Variants in NKD2 observed in about 807,000 individuals in gnomAD.
NKD2 encodes the protein protein naked cuticle homolog 2.
NKD2 carries 43 observed loss-of-function variants against 34.8 expected under a neutral mutation model. The ratio of observed to expected loss-of-function variants is 1.24; its 90% confidence interval spans 0.97 to 1.60. NKD2 has a LOEUF of 1.60. Ranked by LOEUF, NKD2 falls within the 40% of genes most tolerant of loss-of-function variation. The pLI, the probability that NKD2 is intolerant of heterozygous loss-of-function variation, is 0.00. For missense variants in NKD2, 675 were observed against 627.1 expected (o/e 1.08, Z -0.82); for synonymous variants, 278 against 265.1 (o/e 1.05, Z -0.47).
rs74364810 is a variant in NKD2, at chr5:1,037,713, G to A, written c.788-92G>A. ...ACTGGCCTCAGGTGGGACCCCTGGC[G>A]CAGCTCTTCCAGTGGGCCCTGGGCC... On this transcript the variant is annotated intron_variant, in intron 9 of 9. Coordinates refer to ENST00000296849, the MANE Select transcript of NKD2 (RefSeq NM_033120.4). 1.1e-4 allele frequency: 173 copies of A among 1,551,780 alleles called. 1 individual carries two copies. The East Asian group carries it at 3.2e-3, about 28-fold the overall frequency.
intron 3 of NKD2, among the ~76,000 whole-genome samples, chr5:1,016,924 T>TCCTCCTTCC (rs1311262620): frequency 1.4e-5 from 2 of 146,182 alleles, no homozygotes; most frequent in Non-Finnish European, 3.0e-5. Flanking sequence ...AGAGCTGACC[T>TCCTCCTTCC]CACCCTCCTT....
Position 1,038,741 on chromosome 5 carries a change from G to A in NKD2, c.*368G>A. 1 of 509,746 alleles carries A rather than the reference G, an allele frequency of 2.0e-6. No homozygotes were observed. The highest frequency in any genetic ancestry group is 3.6e-6 in the Non-Finnish European group (1 of 278,342). The allele number at this position is 509,746 out of a possible 1,614,324, so 31.6% of individuals were successfully genotyped here. ...GCTTGGGGTGGGTGTTCCTCCCGGGGCTTCAAGGGGTGACTGCTGTAGGCT... is the reference window on the plus strand; with the variant it reads ...GCTTGGGGTGGGTGTTCCTCCCGGGACTTCAAGGGGTGACTGCTGTAGGCT... On this transcript the variant is annotated 3_prime_UTR_variant, in exon 10 of 10. Coordinates refer to ENST00000296849, the MANE Select transcript of NKD2 (RefSeq NM_033120.4). This position sits in a 1 kb window ranked among gnomAD's most constrained non-coding sequence, Gnocchi z 4.5.
chr5:1,024,592 C>G (rs1196439494), intron 3 of NKD2, among the ~76,000 whole-genome samples: 1 of 84,026 alleles, frequency 1.2e-5, no homozygotes, highest in Non-Finnish European at 2.3e-5. Flanking sequence ...TCTTCCCACT[C>G]TCTGTGGGCA....
intron 3 of NKD2, among the ~76,000 whole-genome samples, chr5:1,015,591 C>T (rs1324072417): frequency 2.0e-5 from 3 of 152,156 alleles, no homozygotes; most frequent in South Asian, 2.1e-4. Context: ...CCTATGACAC[C>T]CCTAGGGAGT....
At chr5:1,033,608 C>G in intron 5 of NKD2, 109 bp downstream of exon 5, 7 of 1,298,766 alleles carry the variant, frequency 5.4e-6, no homozygotes, top group Non-Finnish European at 7.3e-6. Flanking sequence ...GCGTAGTTCA[C>G]TCAGTCTTCC....
Position 1,037,872 on chromosome 5 carries a change from C to T in NKD2, c.855C>T (p.Arg285=). ...GRASHLQARS[R]SQEPDTHAVH... Reference sequence around the variant, plus strand: ...CCTCGCACCTCCAGGCCCGGTCCCGCTCCCAGGAGCCAGATACACATGCCG... The same window carrying T: ...CCTCGCACCTCCAGGCCCGGTCCCGTTCCCAGGAGCCAGATACACATGCCG... The change falls in exon 10 of 10, where the codon CGC becomes CGT. Residue 285 remains arginine (R), a synonymous_variant. Coordinates refer to ENST00000296849, the MANE Select transcript of NKD2 (RefSeq NM_033120.4). 2.5e-6 allele frequency: 4 copies of T among 1,603,880 alleles called. No individual in the cohort carries two copies. Among genetic ancestry groups the T allele is most frequent in the Non-Finnish European group, 3.4e-6 (4 of 1,178,684 alleles).
At chr5:1,033,942 C>G (rs969816728) in intron 5 of NKD2, among the ~76,000 whole-genome samples, 1 of 152,230 alleles carries the variant, frequency 6.6e-6, no homozygotes, top group Non-Finnish European at 1.5e-5. Context: ...CCAGTGTGTC[C>G]TCTTCTCCTT....
chr5:1,028,776 G>A (rs1756525050), intron 3 of NKD2, among the ~76,000 whole-genome samples: 2 of 152,046 alleles, frequency 1.3e-5, no homozygotes, highest in Non-Finnish European at 2.9e-5. Flanking sequence ...CAGGGCCAGA[G>A]GGATTGAGGG....
chr5:1,010,532 C>A (rs899071006), intron 3 of NKD2, among the ~76,000 whole-genome samples: 11 of 152,208 alleles, frequency 7.2e-5, no homozygotes, highest in Admixed American at 2.0e-4. Flanking sequence ...TGGAAATTAA[C>A]ATGCAATAGA....
intron 8 of NKD2, chr5:1,036,015 A>AC: frequency 1.2e-6 from 1 of 838,906 alleles, no homozygotes; most frequent in Admixed American, 3.8e-5. Flanking sequence ...TCCCTAGAGC[A>AC]CCTGCGGCTC....
At chr5:1,032,747 A>C (rs948179479) in intron 4 of NKD2, among the ~76,000 whole-genome samples, 5 of 152,248 alleles carry the variant, frequency 3.3e-5, no homozygotes, top group Admixed American at 2.0e-4. Flanking sequence ...ACACCCCCTC[A>C]GTGGGAAGGC....
chr5:1,018,070 G>T (rs147643437), intron 3 of NKD2, among the ~76,000 whole-genome samples: 4 of 152,046 alleles, frequency 2.6e-5, no homozygotes, highest in Non-Finnish European at 5.9e-5. Context: ...CCTGAGGCAG[G>T]AGTAGGCCTG....
intron 3 of NKD2, among the ~76,000 whole-genome samples, chr5:1,018,072 G>A (rs569427862): frequency 1.8e-4 from 27 of 152,266 alleles, no homozygotes; most frequent in Admixed American, 1.6e-3. Context: ...TGAGGCAGGA[G>A]TAGGCCTGGA....
intron 3 of NKD2, among the ~76,000 whole-genome samples, chr5:1,020,625 T>C (rs1321848665): frequency 6.6e-6 from 1 of 151,160 alleles, no homozygotes; most frequent in Non-Finnish European, 1.5e-5. Context: ...GAAGCTCGGC[T>C]GCCTGGTCAA....
At chr5:1,012,308 C>T (rs1318466985) in intron 3 of NKD2, among the ~76,000 whole-genome samples, 1 of 152,236 alleles carries the variant, frequency 6.6e-6, no homozygotes, top group Non-Finnish European at 1.5e-5. Flanking sequence ...TTGTAGCGAA[C>T]ACTCGTGACA....
intron 3 of NKD2, among the ~76,000 whole-genome samples, chr5:1,016,714 C>T (rs1755966112): frequency 6.6e-6 from 1 of 152,204 alleles, no homozygotes; most frequent in East Asian, 1.9e-4. Context: ...CCCTTAAGGC[C>T]GTGGTCCTGC....
At position 1,036,365 on chromosome 5, in the gene NKD2, C is replaced by T. The variant is rs999751191; in HGVS notation, c.768C>T (p.Tyr256=). 9.9e-6 allele frequency: 16 copies of T among 1,612,744 alleles called. No homozygotes were observed. Among genetic ancestry groups the T allele is most frequent in the Non-Finnish European group, 1.3e-5 (15 of 1,179,754 alleles). Reference sequence around the variant, plus strand: ...TGGACCTCGCCGGGATTGAGAACTACACGTCCAGATTCGGCCCTGGTAGGT... The same window carrying T: ...TGGACCTCGCCGGGATTGAGAACTATACGTCCAGATTCGGCCCTGGTAGGT... The part of the protein sequence containing the change: ...HYLDLAGIEN[Y]TSRFGPGSPP... The change falls in exon 9 of 10, where the codon TAC becomes TAT. Residue 256 remains tyrosine, a synonymous_variant. Transcript: ENST00000296849.
chr5:1,031,057 C>T (rs1302047039), intron 3 of NKD2, among the ~76,000 whole-genome samples: 1 of 152,160 alleles, frequency 6.6e-6, no homozygotes, highest in African/African-American at 2.4e-5. Context: ...CTGTTTGGAC[C>T]CTGGCCAGTG....
chr5:1,025,897 T>C (rs1309695161), intron 3 of NKD2, among the ~76,000 whole-genome samples: 1 of 114,508 alleles, frequency 8.7e-6, no homozygotes, highest in Non-Finnish European at 1.8e-5. Context: ...GTCCCTGCTC[T>C]TCCCACCCTC....
Sources: gnomAD v4.1 joint callset for allele counts (sites outside exome capture counted in the v4.1 genomes callset) on GRCh38, gnomAD v4.1.1 for gene constraint, Gnocchi (gnomAD v3.1) non-coding constraint, MANE v1.5 for transcripts, NCBI Gene and HGNC (gene_info 2026-07-23, HGNC 2026-07-21) for gene names.